The following PIP5K1C variants were observed in gnomAD, a reference collection of about 807,000 sequenced individuals.
PIP5K1C encodes phosphatidylinositol-4-phosphate 5-kinase type 1 gamma.
In PIP5K1C, 45 loss-of-function variants were observed where a neutral mutation model predicts 80.1. That is an observed-to-expected ratio of 0.56 (90% CI 0.44 to 0.72). The LOEUF is 0.72. Among genes scored for constraint, PIP5K1C ranks in the 30% least tolerant of loss-of-function variants. The pLI is 0.00. For missense variants in PIP5K1C, 753 were observed against 954.6 expected (o/e 0.79, Z 2.78); for synonymous variants, 498 against 420.1 (o/e 1.19, Z -2.27).
At chr19:3,634,225 G>T (rs1252116546) in intron 16 of PIP5K1C, among the ~76,000 whole-genome samples, 1 of 152,070 alleles carries the variant, frequency 6.6e-6, no homozygotes, top group African/African-American at 2.4e-5. Context: ...CCCAGGTCTG[G>T]GTGGGATCTG....
chr19:3,671,009 G>A (rs769862363), intron 1 of PIP5K1C, among the ~76,000 whole-genome samples: 16 of 152,258 alleles, frequency 1.1e-4, no homozygotes, highest in Non-Finnish European at 1.8e-4. Flanking sequence ...GTTTGGGTTG[G>A]CGGCCCGGGA....
Position 3,651,853 on chromosome 19 carries a change from C to T in PIP5K1C, c.1100G>A (p.Arg367His), listed in dbSNP as rs115799086. The T allele has an allele frequency of 1.0e-4, 166 of 1,612,376 alleles. No individual in the cohort carries two copies. In the East Asian group the frequency reaches 2.6e-3, roughly 25 times the overall value. Residue 367 changes from arginine to histidine, a missense_variant, in exon 8 of 18, where the codon CGC becomes CAC. Arg to His is a conservative substitution (Grantham distance 29). Coordinates refer to ENST00000335312, the MANE Select transcript of PIP5K1C (RefSeq NM_012398.3). ...AMESIQGGAA[R>H]GEAIESDDTM... The stretch of plus-strand genomic sequence containing the variant: ...GTCATCCGATTCGATGGCCTCCCCG[C>T]GCGCGGCGCCACCCTGGATGGACTC...
At chr19:3,694,902 G>A (rs972594413) in intron 1 of PIP5K1C, among the ~76,000 whole-genome samples, 3 of 152,212 alleles carry the variant, frequency 2.0e-5, no homozygotes, top group Admixed American at 6.5e-5. Flanking sequence ...AACATCTTCC[G>A]TAAAGGACCG....
chr19:3,638,836 G>C (rs372225445), intron 16 of PIP5K1C, 48 bp downstream of exon 16: 148 of 1,610,914 alleles, frequency 9.2e-5, no homozygotes, highest in Non-Finnish European at 1.2e-4. Context: ...GTGTGTGAGA[G>C]AGAGTCCGGT....
intron 16 of PIP5K1C, among the ~76,000 whole-genome samples, chr19:3,635,214 T>A (rs965626821): frequency 2.0e-5 from 3 of 152,206 alleles, no homozygotes; most frequent in African/African-American, 7.2e-5. Flanking sequence ...ACACAGCACG[T>A]GGGCAGGGAT....
chr19:3,698,437 C>T (rs1380455679), intron 1 of PIP5K1C, among the ~76,000 whole-genome samples: 1 of 152,240 alleles, frequency 6.6e-6, no homozygotes, highest in East Asian at 1.9e-4. Flanking sequence ...TCTCTACAAA[C>T]CGATACCAAC....
chr19:3,657,624 C>T (rs981989781), intron 5 of PIP5K1C, among the ~76,000 whole-genome samples: 2 of 151,926 alleles, frequency 1.3e-5, no homozygotes, highest in Admixed American at 1.3e-4. Flanking sequence ...GGAGTGGTGG[C>T]GAGCAGAAGC....
chr19:3,639,696 G>A (rs1322872441), intron 15 of PIP5K1C, among the ~76,000 whole-genome samples: 1 of 151,980 alleles, frequency 6.6e-6, no homozygotes, highest in South Asian at 2.1e-4. Flanking sequence ...CCTCCTTTAG[G>A]AGGGATCACA....
At position 3,648,714 on chromosome 19, in the gene PIP5K1C, G is replaced by A. The variant is rs377212577; in HGVS notation, c.1128-6C>T. The A allele has an allele frequency of 1.6e-5, 26 of 1,611,840 alleles. No individual in the cohort carries two copies. The Middle Eastern group carries it at 6.6e-4, about 41-fold the overall frequency. ...CAGCGGGGATCCCGCCCATCCTGGG[G>A]AGAGAGGCCGAGGGTACCATCAGCA... On this transcript the variant is annotated splice_region_variant and splice_polypyrimidine_tract_variant and intron_variant, in intron 8 of 17. Coordinates refer to ENST00000335312, the MANE Select transcript of PIP5K1C (RefSeq NM_012398.3). This position sits in a 1 kb window ranked among gnomAD's most constrained non-coding sequence, Gnocchi z 4.3.
chr19:3,665,793 T>C (rs1367152672), intron 2 of PIP5K1C, among the ~76,000 whole-genome samples: 3 of 152,042 alleles, frequency 2.0e-5, no homozygotes, highest in African/African-American at 7.2e-5. Context: ...AGGAGGGGCC[T>C]TGGGAGCCTG....
intron 1 of PIP5K1C, among the ~76,000 whole-genome samples, chr19:3,680,716 C>T (rs933097948): frequency 6.6e-6 from 1 of 152,220 alleles, no homozygotes; most frequent in African/African-American, 2.4e-5. Flanking sequence ...TCTGTTTATC[C>T]CTTAAGTCAG....
intron 5 of PIP5K1C, among the ~76,000 whole-genome samples, chr19:3,660,015 G>A (rs536635265): frequency 3.3e-4 from 50 of 152,292 alleles, no homozygotes; most frequent in African/African-American, 1.2e-3. Flanking sequence ...GGCAGGCTTG[G>A]GAAAAGGCCA....
chr19:3,669,314 G>C (rs781176130), intron 1 of PIP5K1C, among the ~76,000 whole-genome samples: 1 of 152,226 alleles, frequency 6.6e-6, no homozygotes, highest in African/African-American at 2.4e-5. Flanking sequence ...GCAGCAGTGC[G>C]TTGGAACTGG....
intron 1 of PIP5K1C, among the ~76,000 whole-genome samples, chr19:3,678,644 AGAGATGGAGAGATGGC>A (rs1166608039): frequency 2.8e-5 from 3 of 108,220 alleles, no homozygotes; most frequent in East Asian, 6.6e-4. Flanking sequence ...GGATGGAGGG[AGAGATGGAGAGATGGC>A]GAGATGGAGG....
At chr19:3,671,753 G>A (rs906067411) in intron 1 of PIP5K1C, among the ~76,000 whole-genome samples, 2 of 152,170 alleles carry the variant, frequency 1.3e-5, no homozygotes, top group Non-Finnish European at 2.9e-5. Flanking sequence ...CCCAGGGGGT[G>A]GGGGCAGGTG....
chr19:3,672,286 G>A (rs935976434), intron 1 of PIP5K1C, among the ~76,000 whole-genome samples: 3 of 152,186 alleles, frequency 2.0e-5, no homozygotes, highest in Non-Finnish European at 4.4e-5. Context: ...CCTGGTCTCC[G>A]CCCTGGCCCT....
chr19:3,659,001 G>A (rs1568332462), intron 5 of PIP5K1C, among the ~76,000 whole-genome samples: 1 of 152,140 alleles, frequency 6.6e-6, no homozygotes. Flanking sequence ...GGGCAGGGCT[G>A]AGCCCCACCC....
At chr19:3,690,866 A>T (rs1352080634) in intron 1 of PIP5K1C, among the ~76,000 whole-genome samples, 3 of 152,198 alleles carry the variant, frequency 2.0e-5, no homozygotes, top group South Asian at 4.1e-4. Flanking sequence ...ACAAGAAGGA[A>T]CTGTGCAAGG....
intron 1 of PIP5K1C, among the ~76,000 whole-genome samples, chr19:3,689,571 A>C (rs1212378872): frequency 1.3e-5 from 2 of 151,934 alleles, no homozygotes; most frequent in East Asian, 1.9e-4. Flanking sequence ...ATTGCTTGAA[A>C]CCGGAAGACA....
Sources: allele counts gnomAD v4.1 joint callset (sites outside exome capture counted in the v4.1 genomes callset), GRCh38; gene constraint gnomAD v4.1.1; non-coding constraint Gnocchi (gnomAD v3.1); transcripts MANE v1.5; gene names NCBI Gene and HGNC (gene_info 2026-07-23, HGNC 2026-07-21).